PPHLN1: variants seen among roughly 807,000 people sequenced by gnomAD.
The protein encoded by PPHLN1 is periphilin 1.
A neutral mutation model predicts 51.3 loss-of-function variants in PPHLN1; 29 were observed. That is an observed-to-expected ratio of 0.57 (90% CI 0.42 to 0.77). The LOEUF is 0.77. Ranked by LOEUF, PPHLN1 falls within the 30% of genes least tolerant of loss-of-function variation. PPHLN1 has a pLI of 0.00. For synonymous variants in PPHLN1, 147 were observed against 147.8 expected (o/e 0.99, Z 0.04); for missense variants, 436 against 438.4 (o/e 0.99, Z 0.05).
intron 4 of PPHLN1, among the ~76,000 whole-genome samples, chr12:42,372,132 T>TAC (rs142157302): frequency 1.3e-5 from 2 of 152,152 alleles, no homozygotes; most frequent in Non-Finnish European, 2.9e-5. Context: ...CATTATATAA[T>TAC]ACACACACAC....
At chr12:42,425,244 T>C (rs2081345356) in intron 9 of PPHLN1, among the ~76,000 whole-genome samples, 2 of 120,014 alleles carry the variant, frequency 1.7e-5, no homozygotes, top group Admixed American at 8.7e-5. Flanking sequence ...CATGCCTGGC[T>C]AATTTTTTTT....
intron 3 of PPHLN1, 131 bp downstream of exon 3, chr12:42,352,180 G>C: frequency 1.3e-6 from 1 of 795,764 alleles, no homozygotes. Flanking sequence ...CATGTGAATT[G>C]CCTGCTGGAG....
intron 5 of PPHLN1, among the ~76,000 whole-genome samples, chr12:42,377,255 C>T (rs1371963673): frequency 6.6e-6 from 1 of 151,376 alleles, no homozygotes; most frequent in African/African-American, 2.4e-5. Context: ...ACAGACATAT[C>T]CAAAATTAGC....
chr12:42,385,728 T>G (rs542123797), intron 6 of PPHLN1, among the ~76,000 whole-genome samples: 1 of 152,186 alleles, frequency 6.6e-6, no homozygotes, highest in Non-Finnish European at 1.5e-5. Flanking sequence ...CATTGCATCT[T>G]AGGTATAGAA....
At chr12:42,352,679 C>T (rs1198814595) in intron 3 of PPHLN1, among the ~76,000 whole-genome samples, 1 of 151,764 alleles carries the variant, frequency 6.6e-6, no homozygotes, top group African/African-American at 2.4e-5. Flanking sequence ...GTGGGAGGCC[C>T]ACCTTGGCCT....
intron 4 of PPHLN1, among the ~76,000 whole-genome samples, chr12:42,360,569 C>T (rs1211523744): frequency 1.4e-5 from 2 of 145,624 alleles, no homozygotes; most frequent in Admixed American, 7.0e-5. Context: ...GGTCTCGGCT[C>T]ACTGCAACCT....
intron 7 of PPHLN1, among the ~76,000 whole-genome samples, chr12:42,387,810 A>G (rs1796385): frequency 0.3 from 45,119 of 152,120 alleles, 7,771 homozygotes; most frequent in Non-Finnish European, 0.38. Context: ...ACCCTGAACA[A>G]TTGCTTTGCC....
At chr12:42,430,886 A>G (rs1415966047) in intron 9 of PPHLN1, among the ~76,000 whole-genome samples, 3 of 152,216 alleles carry the variant, frequency 2.0e-5, no homozygotes, top group Non-Finnish European at 4.4e-5. Flanking sequence ...CTGAAATTAA[A>G]CAAAACAAGA....
At chr12:42,413,937 G>T (rs2080125602) in intron 9 of PPHLN1, among the ~76,000 whole-genome samples, 1 of 152,040 alleles carries the variant, frequency 6.6e-6, no homozygotes, top group Admixed American at 6.5e-5. Flanking sequence ...GCTTAGGATT[G>T]CTTTGGCTAT....
At position 42,440,343 on chromosome 12, in the gene PPHLN1, C is replaced by T. The variant is rs114709372; in HGVS notation, c.910-972C>T. On this transcript the variant is annotated intron_variant, in intron 9 of 9. Transcript: ENST00000358314. ...GTATATTAAGAAATCCTGCATCCTG[C>T]AACCATGCTATAATCACATATTAGT... 5.4e-3 allele frequency among the ~76,000 whole-genome samples: 824 copies of T among 152,236 alleles called. 8 individuals carry two copies. The highest frequency in any genetic ancestry group is 0.019 in the African/African-American group (787 of 41,544).
intron 1 of PPHLN1, among the ~76,000 whole-genome samples, chr12:42,333,097 A>G (rs1259114927): frequency 6.6e-6 from 1 of 152,178 alleles, no homozygotes; most frequent in Non-Finnish European, 1.5e-5. Flanking sequence ...ATATGCATAT[A>G]TATTCATACC....
chr12:42,343,336 A>C (rs1318656017), intron 2 of PPHLN1, among the ~76,000 whole-genome samples: 2 of 152,152 alleles, frequency 1.3e-5, no homozygotes, highest in African/African-American at 4.8e-5. Context: ...TTCCCATGTA[A>C]GTACAACTTC....
At chr12:42,391,604 A>G (rs1028793816) in intron 7 of PPHLN1, among the ~76,000 whole-genome samples, 1 of 152,060 alleles carries the variant, frequency 6.6e-6, no homozygotes, top group Non-Finnish European at 1.5e-5. Context: ...TTTCTCTTAA[A>G]TAGGTATGCC....
At chr12:42,382,007 T>C (rs929759364) in intron 5 of PPHLN1, among the ~76,000 whole-genome samples, 24 of 152,346 alleles carry the variant, frequency 1.6e-4, no homozygotes, top group African/African-American at 5.8e-4. Context: ...CTGTTTTTTT[T>C]CCCTGCAGTG....
chr12:42,398,177 T>C (rs2078447217), intron 8 of PPHLN1, among the ~76,000 whole-genome samples: 2 of 152,162 alleles, frequency 1.3e-5, no homozygotes, highest in Admixed American at 6.5e-5. Context: ...ACCTGACCGT[T>C]TTAGACATAA....
chr12:42,398,927 T>C lies in PPHLN1; in HGVS notation c.842T>C (p.Leu281Ser), dbSNP rs1391598604. 1 of 1,614,128 alleles carries C rather than the reference T, an allele frequency of 6.2e-7. No homozygotes were observed. Among genetic ancestry groups the C allele is most frequent in the Admixed American group, 1.7e-5 (1 of 60,022 alleles). The change falls in exon 9 of 10, where the codon TTA (leucine) becomes TCA (serine). Residue 281 changes from leucine to serine, a missense_variant. Coordinates refer to ENST00000358314, the MANE Select transcript of PPHLN1 (RefSeq NM_201439.2). ...PESNTTHGIE[L>S]FEDSQLTTRS... ...TCAAACACAACACATGGGATAGAATTATTTGAAGATAGTCAGCTAACCACT... is the reference window on the plus strand; with the variant it reads ...TCAAACACAACACATGGGATAGAATCATTTGAAGATAGTCAGCTAACCACT...
At chr12:42,443,847 C>T (rs552177794), downstream of PPHLN1, 1 of 152,280 alleles carries the variant, frequency 6.6e-6, no homozygotes, top group African/African-American at 2.4e-5. Context: ...TTATACTATT[C>T]CCCTTGCAGA....
intron 8 of PPHLN1, among the ~76,000 whole-genome samples, chr12:42,397,920 C>T (rs982770749): frequency 2.6e-5 from 4 of 151,388 alleles, no homozygotes; most frequent in Non-Finnish European, 5.9e-5. Flanking sequence ...GACGGGTTTT[C>T]ACCATGTTGG....
At position 42,398,841 on chromosome 12, in the gene PPHLN1, A is replaced by AT; in HGVS notation, c.769-11dup. 1.2e-6 allele frequency: 2 copies of AT among 1,611,352 alleles called. No individual in the cohort carries two copies. Among genetic ancestry groups the AT allele is most frequent in the Non-Finnish European group, 1.7e-6 (2 of 1,178,592 alleles). Reference sequence around the variant, plus strand: ...TTAAGAAAATAATTAAAGATTTCTAATTCCTTTTCAAGGCGGGATCCACAG... The same window carrying AT: ...TTAAGAAAATAATTAAAGATTTCTAATTTCCTTTTCAAGGCGGGATCCACAG... On this transcript the variant is annotated splice_polypyrimidine_tract_variant and intron_variant, in intron 8 of 9. Coordinates refer to ENST00000358314, the MANE Select transcript of PPHLN1 (RefSeq NM_201439.2).
Sources: allele counts gnomAD v4.1 joint callset (sites outside exome capture counted in the v4.1 genomes callset), GRCh38; gene constraint gnomAD v4.1.1; transcripts MANE v1.5; gene names NCBI Gene and HGNC (gene_info 2026-07-23, HGNC 2026-07-21).